Variants in SZT2 observed in about 807,000 individuals in gnomAD.
SZT2 encodes SZT2 subunit of KICSTOR complex, also known as KICSTOR complex protein SZT2.
Under a neutral mutation model 404.2 loss-of-function variants are expected in SZT2, and 216 were observed. That is an observed-to-expected ratio of 0.53 (90% CI 0.48 to 0.60). The LOEUF is 0.60. SZT2 is among the 20% of genes least tolerant of loss of function. The pLI, the probability that SZT2 is intolerant of heterozygous loss-of-function variation, is 0.00. For synonymous variants in SZT2, 1,693 were observed against 1,749.9 expected, an observed-to-expected ratio of 0.97 and a Z score of 0.81; for missense variants, 3,857 against 4,459.2, an observed-to-expected ratio of 0.86 and a Z score of 3.85.
chr1:43,429,593 A>T, intron 28 of SZT2, 110 bp from the exon 29 acceptor site: 2 of 1,374,832 alleles, frequency 1.5e-6, no homozygotes, highest in Non-Finnish European at 2.0e-6. Context: ...TACGCTAAGT[A>T]CTCTTCCTGT....
Position 43,425,736 on chromosome 1 carries a change from C to G in SZT2, c.2814+94C>G. 6.3e-7 allele frequency: 1 copy of G among 1,593,870 alleles called. No homozygotes were observed. Among genetic ancestry groups the G allele is most frequent in the South Asian group, 1.1e-5 (1 of 89,810 alleles). The stretch of plus-strand genomic sequence containing the variant: ...GCAGTCTGTGGGCTTCCTGGTCCCT[C>G]TGAATGGCTGGGACTGTTGAAGCTT... On this transcript the variant is annotated intron_variant, in intron 19 of 71. Coordinates refer to ENST00000634258, the MANE Select transcript of SZT2 (RefSeq NM_001365999.1). This position sits in a 1 kb window ranked among gnomAD's most constrained non-coding sequence, Gnocchi z 4.3.
rs1656488101 is a variant in SZT2, at chr1:43,451,995, G to A, written c.*1515G>A. On this transcript the variant is annotated 3_prime_UTR_variant, in exon 72 of 72. Transcript: ENST00000634258. ...GTGATGCGGGTGTTGATGGGCTCCA[G>A]CAGTCCCACGAGGTCCTCCTAGCAG... is the stretch of plus-strand genomic sequence containing the variant. The A allele has an allele frequency of 6.2e-7, 1 of 1,610,072 alleles. No homozygotes were observed. The highest frequency in any genetic ancestry group is 1.3e-5 in the African/African-American group (1 of 74,968).
At chr1:43,432,492 T>G (rs368710824) in intron 37 of SZT2, 25 bp from the exon 38 acceptor site, 1 of 1,585,960 alleles carries the variant, frequency 6.3e-7, no homozygotes, top group Non-Finnish European at 8.6e-7. Flanking sequence ...GGCCTATACC[T>G]CAGTCCTGAC....
chr1:43,430,259 A>T lies in SZT2; in HGVS notation c.4402-52A>T, dbSNP rs1653702478. On this transcript the variant is annotated intron_variant, in intron 30 of 71. Transcript: ENST00000634258. Reference sequence around the variant, plus strand: ...ACAAGTGTAATCCCACTTGCCTAGGATGAGGCAAGTGGGATTCTTGCCTCA... The same window carrying T: ...ACAAGTGTAATCCCACTTGCCTAGGTTGAGGCAAGTGGGATTCTTGCCTCA... The T allele has an allele frequency of 3.1e-6, 5 of 1,594,130 alleles. No individual in the cohort carries two copies. In the South Asian group the frequency reaches 4.4e-5, roughly 14 times the overall value.
chr1:43,426,633 C>G lies in SZT2; in HGVS notation c.3215-82C>G, dbSNP rs1653178840. On this transcript the variant is annotated intron_variant, in intron 22 of 71. Transcript: ENST00000634258. This position sits in a 1 kb window ranked among gnomAD's most constrained non-coding sequence, Gnocchi z 4.9. ...TTCTGTCTTTGAGTTTTGGCTTTCCCCTTCCTCCCCCTTTCTTCAACCCAG... is the reference window on the plus strand; with the variant it reads ...TTCTGTCTTTGAGTTTTGGCTTTCCGCTTCCTCCCCCTTTCTTCAACCCAG... 4 of 1,511,992 alleles carry G rather than the reference C, an allele frequency of 2.6e-6. No homozygotes were observed. Among genetic ancestry groups the G allele is most frequent in the Non-Finnish European group, 3.6e-6 (4 of 1,118,760 alleles). 93.7% of individuals were successfully genotyped at this position (1,511,992 alleles called of 1,614,324 possible). A position where few individuals can be genotyped will look rare whatever the true frequency, so the allele number is the denominator to read the frequency against.
At chr1:43,428,728 CAG>C (rs1364925254) in intron 28 of SZT2, 1 of 543,548 alleles carries the variant, frequency 1.8e-6, no homozygotes, top group Admixed American at 3.1e-5. Flanking sequence ...TGAGCTGAGT[CAG>C]GGATAGGGAG....
chr1:43,396,877 C>T (rs1029722920), intron 1 of SZT2, among the ~76,000 whole-genome samples: 2 of 152,138 alleles, frequency 1.3e-5, no homozygotes, highest in African/African-American at 4.8e-5. Flanking sequence ...AAAGGAAAAA[C>T]TCCAAAAATA....
In SZT2 at chr1:43,438,947, A is replaced by G; in HGVS notation, c.6646A>G (p.Ser2216Gly). 6.2e-7 allele frequency: 1 copy of G among 1,614,138 alleles called. No individual in the cohort carries two copies. Among genetic ancestry groups the G allele is most frequent in the South Asian group, 1.1e-5 (1 of 91,088 alleles). Residue 2216 changes from serine (S) to glycine (G), a missense_variant, in exon 48 of 72, where the codon AGT (serine) becomes GGT (glycine). Ser to Gly is a moderately conservative substitution (Grantham distance 56). Transcript: ENST00000634258. ...TCTGCAGTTCATCCAGCCCCCTGGA[A>G]GTCTCCCCTCAGAGGTGCTGCATCT... ...ADVEFIQPPGSLPSEVLHLAL... is the reference protein window; with the variant it reads ...ADVEFIQPPGGLPSEVLHLAL...
chr1:43,401,886 A>G (rs546831640), intron 1 of SZT2, among the ~76,000 whole-genome samples: 2 of 152,122 alleles, frequency 1.3e-5, no homozygotes, highest in African/African-American at 4.8e-5. Flanking sequence ...ATCACTTTCC[A>G]GTACCTCTTT....
rs771907836 is a variant in SZT2 at position 43,451,116 on chromosome 1, A to T, written c.*636A>T. 2 of 968,210 alleles carry T rather than the reference A, an allele frequency of 2.1e-6. No individual in the cohort carries two copies. Among genetic ancestry groups the T allele is most frequent in the South Asian group, 2.6e-5 (2 of 77,914 alleles). 60.0% of individuals were successfully genotyped at this position (968,210 alleles called of 1,614,324 possible). On this transcript the variant is annotated 3_prime_UTR_variant, in exon 72 of 72. Transcript: ENST00000634258. ...CAGCAGAGAAACTGAAGTGTTAGAC[A>T]CTATGTGTCCCACCACCCCATTACA...
Position 43,450,314 on chromosome 1 carries a change from C to T in SZT2, c.10156-23C>T, listed in dbSNP as rs764907240. On this transcript the variant is annotated intron_variant, in intron 71 of 71. Transcript: ENST00000634258. This position sits in a 1 kb window ranked among gnomAD's most constrained non-coding sequence, Gnocchi z 4.3. ...CACCCATGCCCTCCTCTCACCAGTG[C>T]ATCCCCACCGTGTTCCCCACAGTCT... 2 of 1,613,886 alleles carry T rather than the reference C, an allele frequency of 1.2e-6. No individual in the cohort carries two copies. The highest frequency in any genetic ancestry group is 4.5e-5 in the East Asian group (2 of 44,880).
In SZT2 at chr1:43,439,783, G is replaced by C. The variant is rs760185084; in HGVS notation, c.7042+14G>C. 5 of 1,575,384 alleles carry C rather than the reference G, an allele frequency of 3.2e-6. No individual in the cohort carries two copies. In the African/African-American group the frequency reaches 6.8e-5, roughly 21 times the overall value. On this transcript the variant is annotated intron_variant, in intron 50 of 71. Transcript: ENST00000634258. This position sits in a 1 kb window ranked among gnomAD's most constrained non-coding sequence, Gnocchi z 4.2. The stretch of plus-strand genomic sequence containing the variant: ...ACAGTTCTTCAGGTGGGACAGCTTG[G>C]TCAGAGGATGAGGTGTTCAGTTATT...
chr1:43,427,765 C>T lies in SZT2; in HGVS notation c.3803+31C>T, dbSNP rs376011690. 8.7e-5 allele frequency: 140 copies of T among 1,606,864 alleles called. No individual in the cohort carries two copies. In the African/African-American group the frequency reaches 1.5e-3, roughly 17 times the overall value. On this transcript the variant is annotated intron_variant, in intron 26 of 71. Transcript: ENST00000634258. The stretch of plus-strand genomic sequence containing the variant: ...TGCCTTCAGTGTTGACCTAAGTCCT[C>T]GCCGGGCCATGGCTCCCAGCCAAGA...
At chr1:43,445,453 G>A (rs915317337) in intron 62 of SZT2, 45 of 260,656 alleles carry the variant, frequency 1.7e-4, no homozygotes, top group Admixed American at 4.7e-5. Flanking sequence ...GCACTAAACT[G>A]TAACGAGCAG....
intron 46 of SZT2, 93 bp from the exon 47 acceptor site, chr1:43,438,606 A>T: frequency 8.4e-7 from 1 of 1,194,318 alleles, no homozygotes; most frequent in Non-Finnish European, 1.2e-6. Flanking sequence ...TCTAGTATAC[A>T]GGGGATTCTT....
chr1:43,390,149 C>T (rs1299286643), intron 1 of SZT2, among the ~76,000 whole-genome samples, 154 bp downstream of exon 1: 1 of 152,206 alleles, frequency 6.6e-6, no homozygotes, highest in African/African-American at 2.4e-5. Flanking sequence ...ACTATGGTAC[C>T]CCTGCGGACT....
At position 43,445,944 on chromosome 1, in the gene SZT2, C is replaced by T. The variant is rs898926281; in HGVS notation, c.8876C>T (p.Ser2959Phe). Residue 2959 changes from serine to phenylalanine, a missense_variant, in exon 63 of 72, where the codon TCC (serine) becomes TTC (phenylalanine). Ser to Phe is a radical substitution (Grantham distance 155, BLOSUM62 -2). Transcript: ENST00000634258. ...MAILGTEGRG[S>F]FSCPKTKTDG... ...ATCCTTGGAACAGAGGGTCGAGGCT[C>T]CTTCTCCTGCCCTAAAACCAAGACT... 6.2e-7 allele frequency: 1 copy of T among 1,614,218 alleles called. No homozygotes were observed. Among genetic ancestry groups the T allele is most frequent in the East Asian group, 2.2e-5 (1 of 44,882 alleles).
rs1372936066 is a variant in SZT2, at chr1:43,420,077, A to C, written c.1091-76A>C. On this transcript the variant is annotated intron_variant, in intron 8 of 71. Transcript: ENST00000634258. The surrounding 1 kb of genome is among the most constrained non-coding windows in gnomAD (Gnocchi z 5.1). ...ACTGTTACCTCACAGTCATTTCAGC[A>C]TAGCCCCTTCCCCCTACAGATCTGT... 5.1e-6 allele frequency: 8 copies of C among 1,576,270 alleles called. No individual in the cohort carries two copies. The highest frequency in any genetic ancestry group is 6.9e-6 in the Non-Finnish European group (8 of 1,166,296).
At position 43,426,633 on chromosome 1, in the gene SZT2, C is replaced by T; in HGVS notation, c.3215-82C>T. Reference sequence around the variant, plus strand: ...TTCTGTCTTTGAGTTTTGGCTTTCCCCTTCCTCCCCCTTTCTTCAACCCAG... The same window carrying T: ...TTCTGTCTTTGAGTTTTGGCTTTCCTCTTCCTCCCCCTTTCTTCAACCCAG... On this transcript the variant is annotated intron_variant, in intron 22 of 71. Transcript: ENST00000634258. This position sits in a 1 kb window ranked among gnomAD's most constrained non-coding sequence, Gnocchi z 4.9. 3 of 1,511,992 alleles carry T rather than the reference C, an allele frequency of 2.0e-6. No homozygotes were observed. Among genetic ancestry groups the T allele is most frequent in the Non-Finnish European group, 2.7e-6 (3 of 1,118,760 alleles). The allele number at this position is 1,511,992 out of a possible 1,614,324, so 93.7% of individuals were successfully genotyped here. A position where few individuals can be genotyped will look rare whatever the true frequency, so the allele number is the denominator to read the frequency against.
Sources: gnomAD v4.1 joint callset for allele counts (sites outside exome capture counted in the v4.1 genomes callset) on GRCh38, gnomAD v4.1.1 for gene constraint, Gnocchi (gnomAD v3.1) non-coding constraint, MANE v1.5 for transcripts, NCBI Gene and HGNC (gene_info 2026-07-23, HGNC 2026-07-21) for gene names.